The following DPP10 variants were observed in gnomAD, a reference collection of about 807,000 sequenced individuals.
DPP10 encodes the protein dipeptidyl peptidase like 10, also known as inactive dipeptidyl peptidase 10.
DPP10 carries 33 observed loss-of-function variants against 120.9 expected under a neutral mutation model. The observed-to-expected ratio is 0.27, with a 90% CI of 0.21 to 0.37. The LOEUF is 0.37. Ranked by LOEUF, DPP10 falls within the 10% of genes least tolerant of loss-of-function variation. The pLI, the probability that DPP10 is intolerant of heterozygous loss-of-function variation, is 1.00. For synonymous variants in DPP10, 337 were observed against 326.1 expected, an observed-to-expected ratio of 1.03 and a Z score of -0.36; for missense variants, 816 against 942.8, an observed-to-expected ratio of 0.87 and a Z score of 1.76.
chr2:114,500,404 C>T (rs1199237548), intron 1 of DPP10, among the ~76,000 whole-genome samples: 1 of 152,180 alleles, frequency 6.6e-6, no homozygotes, highest in Non-Finnish European at 1.5e-5. Context: ...ATGTCTCTGA[C>T]AATTTTCACA....
intron 1 of DPP10, among the ~76,000 whole-genome samples, chr2:114,699,950 T>A (rs978933554): frequency 1.3e-5 from 2 of 152,046 alleles, no homozygotes; most frequent in South Asian, 4.1e-4. Context: ...TTGAAAGACA[T>A]AGGAACTTTA....
chr2:114,745,513 G>A (rs767477161), intron 1 of DPP10, among the ~76,000 whole-genome samples: 15 of 152,204 alleles, frequency 9.9e-5, no homozygotes, highest in East Asian at 1.9e-4. Context: ...AGTGCACAGA[G>A]AGCAAAAAGA....
chr2:114,961,420 T>C (rs1485985792), intron 1 of DPP10, among the ~76,000 whole-genome samples: 1 of 151,230 alleles, frequency 6.6e-6, no homozygotes, highest in Admixed American at 6.6e-5. Context: ...ATTGTAATTG[T>C]ACCTTTGTGT....
intron 1 of DPP10, among the ~76,000 whole-genome samples, chr2:114,524,882 A>G (rs944804794): frequency 6.6e-6 from 1 of 152,138 alleles, no homozygotes; most frequent in African/African-American, 2.4e-5. Context: ...TCTAAATTTC[A>G]TTGAATCCCA....
chr2:115,476,880 A>G (rs2075120717), intron 3 of DPP10, among the ~76,000 whole-genome samples: 1 of 152,220 alleles, frequency 6.6e-6, no homozygotes, highest in African/African-American at 2.4e-5. Flanking sequence ...CAATCATGTA[A>G]TACACTACAT....
At chr2:114,900,747 T>C (rs6542230) in intron 1 of DPP10, among the ~76,000 whole-genome samples, 150,328 of 152,258 alleles carry the variant, frequency 0.99, 74,245 homozygotes, top group East Asian at 1. Flanking sequence ...CCTTTTGAGA[T>C]GTGTTTAAGA....
At chr2:114,804,247 C>T (rs1393913194) in intron 1 of DPP10, among the ~76,000 whole-genome samples, 1 of 152,214 alleles carries the variant, frequency 6.6e-6, no homozygotes, top group East Asian at 1.9e-4. Flanking sequence ...ATGGAAATGC[C>T]TGGATGCCCA....
intron 1 of DPP10, among the ~76,000 whole-genome samples, chr2:115,215,003 A>T (rs2056734826): frequency 6.6e-6 from 1 of 152,198 alleles, no homozygotes; most frequent in African/African-American, 2.4e-5. Flanking sequence ...TGGGAAATAC[A>T]GGGACAAAAA....
At chr2:114,884,848 A>G (rs1691923160) in intron 1 of DPP10, among the ~76,000 whole-genome samples, 1 of 152,190 alleles carries the variant, frequency 6.6e-6, no homozygotes, top group Non-Finnish European at 1.5e-5. Flanking sequence ...TTCACTTCAA[A>G]TAACGGTCTC....
intron 3 of DPP10, among the ~76,000 whole-genome samples, chr2:115,453,553 A>G (rs146897040): frequency 0.018 from 2,676 of 151,776 alleles, 52 homozygotes; most frequent in Non-Finnish European, 0.026. Context: ...TATTTCTAAA[A>G]GAGGTCACAA....
intron 5 of DPP10, among the ~76,000 whole-genome samples, chr2:115,544,453 G>A (rs2148977119): frequency 6.6e-6 from 1 of 152,148 alleles, no homozygotes; most frequent in East Asian, 1.9e-4. Context: ...TTAAGTGAGA[G>A]AGTGTAATCT....
rs191720883 is a variant in DPP10 at position 115,643,476 on chromosome 2, C to G, written c.442-46211C>G. ...AGACTGCGAAATCCATATACTGCAC[C>G]AAGATTACAAATGGTGATTAAAGAG... On this transcript the variant is annotated intron_variant, in intron 5 of 25. Transcript: ENST00000410059. Among the ~76,000 whole-genome samples the G allele has an allele frequency of 4.6e-5, 7 of 152,106 alleles. No individual in the cohort carries two copies. The East Asian group carries it at 1.4e-3, about 29-fold the overall frequency.
rs536753024 is a variant in DPP10 at position 114,696,662 on chromosome 2, G to T, written c.60+253824G>T. On this transcript the variant is annotated intron_variant, in intron 1 of 25. Coordinates refer to ENST00000410059, the MANE Select transcript of DPP10 (RefSeq NM_020868.6). ...ATTAAGTCAGTTTGTTTGGTGCCTGGTTGGCAAAAAATCAAATAACAGTTA... is the reference window on the plus strand; with the variant it reads ...ATTAAGTCAGTTTGTTTGGTGCCTGTTTGGCAAAAAATCAAATAACAGTTA... Among the ~76,000 whole-genome samples, 280 of 151,940 alleles carry T rather than the reference G, an allele frequency of 1.8e-3. 2 individuals carry two copies. The highest frequency in any genetic ancestry group is 6.4e-3 in the African/African-American group (265 of 41,472).
intron 1 of DPP10, among the ~76,000 whole-genome samples, chr2:114,927,447 C>G (rs1364725366): frequency 6.6e-6 from 1 of 151,972 alleles, no homozygotes; most frequent in African/African-American, 2.4e-5. Context: ...TACATTAATT[C>G]ATCCAGAAAG....
chr2:115,627,190 A>G (rs1287116448), intron 5 of DPP10, among the ~76,000 whole-genome samples: 3 of 152,206 alleles, frequency 2.0e-5, no homozygotes, highest in Non-Finnish European at 4.4e-5. Context: ...TTAAAAAAGA[A>G]TTATGTGATT....
At chr2:115,640,772 C>G (rs764097661) in intron 5 of DPP10, among the ~76,000 whole-genome samples, 1 of 152,100 alleles carries the variant, frequency 6.6e-6, no homozygotes, top group Non-Finnish European at 1.5e-5. Flanking sequence ...TTAGAGCTGG[C>G]CTGGATGGTT....
At chr2:115,609,238 C>A (rs1338046771) in intron 5 of DPP10, among the ~76,000 whole-genome samples, 1 of 152,094 alleles carries the variant, frequency 6.6e-6, no homozygotes, top group African/African-American at 2.4e-5. Context: ...AGCTAGTGAT[C>A]CATATCTGGC....
intron 1 of DPP10, among the ~76,000 whole-genome samples, chr2:114,949,717 T>C (rs578250878): frequency 6.6e-6 from 1 of 152,246 alleles, no homozygotes; most frequent in African/African-American, 2.4e-5. Flanking sequence ...GTTGCTTCTG[T>C]TTGGTCTCTC....
intron 7 of DPP10, among the ~76,000 whole-genome samples, chr2:115,713,497 A>G (rs931787444): frequency 6.6e-6 from 1 of 152,234 alleles, no homozygotes; most frequent in East Asian, 1.9e-4. Context: ...AATACATGAC[A>G]TGAAAGATTT....
Sources: allele counts gnomAD v4.1 joint callset (sites outside exome capture counted in the v4.1 genomes callset), GRCh38; gene constraint gnomAD v4.1.1; transcripts MANE v1.5; gene names NCBI Gene and HGNC (gene_info 2026-07-23, HGNC 2026-07-21).